Variants in RAD50 observed in about 807,000 individuals in gnomAD.
RAD50 encodes the protein DNA repair protein RAD50.
RAD50 carries 132 observed loss-of-function variants against 168.8 expected under a neutral mutation model. The observed-to-expected ratio is 0.78, with a 90% CI of 0.68 to 0.90. The LOEUF (loss-of-function observed/expected upper bound fraction) is 0.90. Among genes scored for constraint, RAD50 ranks in the 40% least tolerant of loss-of-function variants. The pLI is 0.00. For missense variants in RAD50, 1,347 were observed against 1,534.4 expected, an observed-to-expected ratio of 0.88 and a Z score of 2.04; for synonymous variants, 525 against 497.4, an observed-to-expected ratio of 1.06 and a Z score of -0.74.
At chr5:132,617,449 A>T (rs2149853526) in intron 20 of RAD50, among the ~76,000 whole-genome samples, 1 of 152,350 alleles carries the variant, frequency 6.6e-6, no homozygotes, top group Middle Eastern at 3.4e-3. Flanking sequence ...ATGCTTAATA[A>T]GTGATAATAA....
At position 132,595,056 on chromosome 5, in the gene RAD50, A is replaced by G. The variant is rs778741689; in HGVS notation, c.1969+12A>G. ...ATCAAAACAGCGAGGTAAGTTGTCTACTTTATATTATCAGGATACTTTGAC... is the reference window on the plus strand; with the variant it reads ...ATCAAAACAGCGAGGTAAGTTGTCTGCTTTATATTATCAGGATACTTTGAC... On this transcript the variant is annotated intron_variant, in intron 12 of 24. Coordinates refer to ENST00000378823, the MANE Select transcript of RAD50 (RefSeq NM_005732.4). The G allele has an allele frequency of 9.4e-6, 15 of 1,600,124 alleles. No individual in the cohort carries two copies. The African/African-American group carries it at 9.4e-5, about 10-fold the overall frequency.
chr5:132,568,646 G>A (rs1429861566), intron 2 of RAD50, among the ~76,000 whole-genome samples: 3 of 152,146 alleles, frequency 2.0e-5, no homozygotes, highest in Non-Finnish European at 4.4e-5. Flanking sequence ...TACTTCTTAG[G>A]AAAAGCAATC....
chr5:132,586,773 A>G (rs1468295742), intron 5 of RAD50, among the ~76,000 whole-genome samples: 1 of 152,108 alleles, frequency 6.6e-6, no homozygotes, highest in Non-Finnish European at 1.5e-5. Context: ...CTGAGGTGGG[A>G]GGAACACTTG....
chr5:132,634,559 G>A (rs1487254713), intron 21 of RAD50, among the ~76,000 whole-genome samples: 4 of 151,596 alleles, frequency 2.6e-5, no homozygotes, highest in Middle Eastern at 3.4e-3. Context: ...GATTTGAATC[G>A]TGAAATCCCT....
At chr5:132,635,396 A>G (rs1315295768) in intron 21 of RAD50, among the ~76,000 whole-genome samples, 1 of 152,194 alleles carries the variant, frequency 6.6e-6, no homozygotes, top group Non-Finnish European at 1.5e-5. Flanking sequence ...TCTCTTACAC[A>G]GTACAGCTGT....
intron 13 of RAD50, among the ~76,000 whole-genome samples, chr5:132,597,641 G>A (rs543930487): frequency 1.3e-5 from 2 of 152,340 alleles, no homozygotes; most frequent in African/African-American, 4.8e-5. Context: ...GCCTTAAGAT[G>A]ACTGCAGTCC....
At position 132,642,474 on chromosome 5, in the gene RAD50, G is replaced by A; in HGVS notation, c.*110G>A. Reference sequence around the variant, plus strand: ...AATAAGAAAATATATTCTTTCAAAGGAACATTGTGTCTAGGATTTTGGATG... The same window carrying A: ...AATAAGAAAATATATTCTTTCAAAGAAACATTGTGTCTAGGATTTTGGATG... On this transcript the variant is annotated 3_prime_UTR_variant, in exon 25 of 25. Transcript: ENST00000378823. 9.5e-7 allele frequency: 1 copy of A among 1,054,212 alleles called. No individual in the cohort carries two copies. Among genetic ancestry groups the A allele is most frequent in the South Asian group, 1.6e-5 (1 of 64,176 alleles). The allele number at this position is 1,054,212 out of a possible 1,614,324, so 65.3% of individuals were successfully genotyped here. A position where few individuals can be genotyped will look rare whatever the true frequency, so the allele number is the denominator to read the frequency against.
At chr5:132,568,647 A>G (rs1750250607) in intron 2 of RAD50, among the ~76,000 whole-genome samples, 1 of 152,222 alleles carries the variant, frequency 6.6e-6, no homozygotes, top group African/African-American at 2.4e-5. Flanking sequence ...ACTTCTTAGG[A>G]AAAGCAATCT....
chr5:132,604,469 G>GT (rs1750945812), intron 15 of RAD50, among the ~76,000 whole-genome samples: 1 of 152,034 alleles, frequency 6.6e-6, no homozygotes, highest in South Asian at 2.1e-4. Flanking sequence ...GTTTCACTGT[G>GT]TTTGTCAGGC....
chr5:132,586,006 T>G (rs1264587640), intron 5 of RAD50, among the ~76,000 whole-genome samples: 2 of 152,218 alleles, frequency 1.3e-5, no homozygotes, highest in South Asian at 2.1e-4. Flanking sequence ...AGGTACAGTT[T>G]ATAAACTTTT....
intron 5 of RAD50, among the ~76,000 whole-genome samples, chr5:132,585,022 A>G (rs1462520629): frequency 1.3e-5 from 2 of 152,088 alleles, no homozygotes; most frequent in Non-Finnish European, 2.9e-5. Flanking sequence ...TGGGTGCAGC[A>G]CACCAACATG....
chr5:132,603,127 G>A (rs1750916838), intron 13 of RAD50, among the ~76,000 whole-genome samples, 173 bp from the exon 14 acceptor site: 17 of 152,128 alleles, frequency 1.1e-4, no homozygotes, highest in Admixed American at 1.1e-3. Flanking sequence ...AGTGAATAAG[G>A]ATTAACATCA....
In RAD50 at chr5:132,642,723, T is replaced by C. The variant is rs1751757036; in HGVS notation, c.*359T>C. On this transcript the variant is annotated 3_prime_UTR_variant, in exon 25 of 25. Transcript: ENST00000378823. ...TAATTACTGCCTTGAAAATTTATGGTTTTGGTATTTTTTTAAATCATAGTT... is the reference window on the plus strand; with the variant it reads ...TAATTACTGCCTTGAAAATTTATGGCTTTGGTATTTTTTTAAATCATAGTT... 1 of 385,686 alleles carries C rather than the reference T, an allele frequency of 2.6e-6. No homozygotes were observed. The highest frequency in any genetic ancestry group is 4.9e-6 in the Non-Finnish European group (1 of 204,430). The allele number at this position is 385,686 out of a possible 1,614,324, so 23.9% of individuals were successfully genotyped here.
chr5:132,644,363 T>C lies in RAD50; in HGVS notation c.*1999T>C, dbSNP rs1751805833. On this transcript the variant is annotated 3_prime_UTR_variant, in exon 25 of 25. Transcript: ENST00000378823. ...TCCCCCTTCCCCACATTGGAATGAA[T>C]AGCCATCACAGCATGGATGGAGGTT... is the stretch of plus-strand genomic sequence containing the variant. The C allele has an allele frequency of 1.2e-5, 2 of 171,344 alleles. No homozygotes were observed. The highest frequency in any genetic ancestry group is 1.3e-4 in the Admixed American group (2 of 15,680). 10.6% of individuals were successfully genotyped at this position (171,344 alleles called of 1,614,324 possible).
intron 2 of RAD50, among the ~76,000 whole-genome samples, chr5:132,573,662 C>T (rs1208904602): frequency 6.6e-6 from 1 of 152,174 alleles, no homozygotes; most frequent in African/African-American, 2.4e-5. Flanking sequence ...CAGAGTCTTA[C>T]CCAAGATAAG....
At chr5:132,609,597 C>A (rs1440159666) in intron 19 of RAD50, among the ~76,000 whole-genome samples, 3 of 152,154 alleles carry the variant, frequency 2.0e-5, no homozygotes, top group Non-Finnish European at 4.4e-5. Flanking sequence ...GCCTGGCCAA[C>A]ACAGTGAAAC....
At chr5:132,635,534 G>A (rs1371496149) in intron 21 of RAD50, among the ~76,000 whole-genome samples, 1 of 152,106 alleles carries the variant, frequency 6.6e-6, no homozygotes, top group Non-Finnish European at 1.5e-5. Flanking sequence ...TCTTTTTCCC[G>A]CAGTGCTGTG....
chr5:132,595,943 A>T, intron 13 of RAD50, 133 bp downstream of exon 13: 2 of 788,372 alleles, frequency 2.5e-6, no homozygotes, highest in Non-Finnish European at 4.3e-6. Context: ...CACTTCTATG[A>T]TAAGAAGATT....
chr5:132,627,539 C>T (rs1447600950), intron 21 of RAD50, among the ~76,000 whole-genome samples: 2 of 152,064 alleles, frequency 1.3e-5, no homozygotes, highest in African/African-American at 2.4e-5. Flanking sequence ...GGGGTGCAGG[C>T]GTTCCAGGTA....
Sources: allele counts gnomAD v4.1 joint callset (sites outside exome capture counted in the v4.1 genomes callset), GRCh38; gene constraint gnomAD v4.1.1; transcripts MANE v1.5; gene names NCBI Gene and HGNC (gene_info 2026-07-23, HGNC 2026-07-21).